Variants in SLC30A5 observed in about 807,000 individuals in gnomAD.
SLC30A5 encodes solute carrier family 30 member 5.
Under a neutral mutation model 79.6 loss-of-function variants are expected in SLC30A5, and 33 were observed. That is an observed-to-expected ratio of 0.41 (90% CI 0.31 to 0.55). SLC30A5 has a LOEUF of 0.55. Ranked by LOEUF, SLC30A5 falls within the 20% of genes least tolerant of loss-of-function variation. The pLI, the probability that SLC30A5 is intolerant of heterozygous loss-of-function variation, is 0.20. For missense variants in SLC30A5, 788 were observed against 928.1 expected, an observed-to-expected ratio of 0.85 and a Z score of 1.96; for synonymous variants, 299 against 319.7, an observed-to-expected ratio of 0.94 and a Z score of 0.69.
chr5:69,129,220 A>C (rs537688182), intron 15 of SLC30A5, among the ~76,000 whole-genome samples: 1 of 152,314 alleles, frequency 6.6e-6, no homozygotes, highest in South Asian at 2.1e-4. Flanking sequence ...CATTACGCTT[A>C]CCAGTTGAGC....
At chr5:69,117,466 A>AC in intron 11 of SLC30A5, 70 bp downstream of exon 11, 1 of 1,237,950 alleles carries the variant, frequency 8.1e-7, no homozygotes, top group Non-Finnish European at 1.1e-6. Context: ...GAATTATATT[A>AC]CTTATATTAC....
chr5:69,110,097 AACGAGCT>A (rs1455037587), intron 5 of SLC30A5, among the ~76,000 whole-genome samples: 1 of 152,176 alleles, frequency 6.6e-6, no homozygotes, highest in African/African-American at 2.4e-5. Context: ...AACATGAGTA[AACGAGCT>A]ATTTAGATAA....
intron 1 of SLC30A5, among the ~76,000 whole-genome samples, chr5:69,096,081 A>T (rs1414242045): frequency 6.6e-6 from 1 of 152,076 alleles, no homozygotes. Context: ...AAAAAAGCAT[A>T]TCACTTAAAT....
At chr5:69,099,020 C>G (rs1332960487) in intron 1 of SLC30A5, among the ~76,000 whole-genome samples, 1 of 152,154 alleles carries the variant, frequency 6.6e-6, no homozygotes, top group Non-Finnish European at 1.5e-5. Context: ...AAAACTCTTG[C>G]AACCTGGAAT....
Position 69,100,916 on chromosome 5 carries a change from A to G in SLC30A5, c.193A>G (p.Ile65Val), listed in dbSNP as rs753052468. 46 of 1,523,162 alleles carry G rather than the reference A, an allele frequency of 3.0e-5. No individual in the cohort carries two copies. The South Asian group carries it at 4.3e-4, about 14-fold the overall frequency. 94.4% of individuals were successfully genotyped at this position (1,523,162 alleles called of 1,614,324 possible). Residue 65 changes from isoleucine (I) to valine (V), a missense_variant, in exon 2 of 16, where the codon ATA (isoleucine) becomes GTA (valine). Physicochemically the swap from Ile to Val is conservative, Grantham distance 29 (BLOSUM62 3). Transcript: ENST00000396591. The stretch of plus-strand genomic sequence containing the variant: ...TGTTCACATTGTTCAGTTCATTTTT[A>G]TATTAAAACTTGGGTGAGTGTGGGG... Reference protein sequence around the residue: ...KAVHIVQFIFILKLGTAFFMV... With the variant: ...KAVHIVQFIFVLKLGTAFFMV...
At position 69,094,100 on chromosome 5, in the gene SLC30A5, AGCCGGC is replaced by A. The variant is rs547326340; in HGVS notation, c.-154_-149del. Reference sequence around the variant, plus strand: ...CGACGCGTGTGTGCTAGTGAGCCGGAGCCGGCGACGGCGGCAGTGGCGGCCCGGCCT... The same window carrying A: ...CGACGCGTGTGTGCTAGTGAGCCGGAGACGGCGGCAGTGGCGGCCCGGCCT... On this transcript the variant is annotated 5_prime_UTR_variant, in exon 1 of 16. Coordinates refer to ENST00000396591, the MANE Select transcript of SLC30A5 (RefSeq NM_022902.5). 3,750 of 413,804 alleles carry A rather than the reference AGCCGGC, an allele frequency of 9.1e-3. 21 individuals are homozygous for A. The highest frequency in any genetic ancestry group is 0.011 in the Non-Finnish European group (2,470 of 233,298). 25.6% of individuals were successfully genotyped at this position (413,804 alleles called of 1,614,324 possible). A position where few individuals can be genotyped will look rare whatever the true frequency, so the allele number is the denominator to read the frequency against.
intron 4 of SLC30A5, among the ~76,000 whole-genome samples, chr5:69,105,905 A>G (rs1406294470): frequency 1.3e-5 from 2 of 152,194 alleles, no homozygotes; most frequent in Non-Finnish European, 2.9e-5. Context: ...TGAGAATCTA[A>G]TGTCTGATGA....
chr5:69,121,633 T>C (rs1284978456), intron 12 of SLC30A5, 61 bp from the exon 13 acceptor site: 5 of 1,212,888 alleles, frequency 4.1e-6, no homozygotes, highest in Non-Finnish European at 4.6e-6. Flanking sequence ...ATAATAACTT[T>C]TAAATAACAA....
chr5:69,122,781 T>C (rs969736383), intron 13 of SLC30A5, among the ~76,000 whole-genome samples: 5 of 152,244 alleles, frequency 3.3e-5, no homozygotes, highest in African/African-American at 1.2e-4. Flanking sequence ...TGTGCTATTA[T>C]GAACCTTCAT....
chr5:69,111,375 GC>G (rs1196092031), intron 5 of SLC30A5, among the ~76,000 whole-genome samples: 39 of 147,580 alleles, frequency 2.6e-4, no homozygotes, highest in Non-Finnish European at 2.1e-4. Context: ...CACAATCTCA[GC>G]TCACTGCAAC....
chr5:69,118,313 ATATATATATATG>A (rs1746437595), intron 11 of SLC30A5, 174 bp from the exon 12 acceptor site: 1 of 118,846 alleles, frequency 8.4e-6, no homozygotes, highest in Non-Finnish European at 1.7e-5. Flanking sequence ...ATATATGTGT[ATATATATATATG>A]TATATATATA....
intron 5 of SLC30A5, among the ~76,000 whole-genome samples, chr5:69,110,346 A>G (rs772415845): frequency 5.3e-5 from 8 of 152,326 alleles, no homozygotes; most frequent in Admixed American, 1.3e-4. Flanking sequence ...CAAATAAGGT[A>G]TAATAGTCCC....
At chr5:69,124,543 C>CA (rs1029232358) in intron 14 of SLC30A5, among the ~76,000 whole-genome samples, 1 of 151,998 alleles carries the variant, frequency 6.6e-6, no homozygotes, top group African/African-American at 2.4e-5. Flanking sequence ...ATGTAAATGA[C>CA]AAAAAAATTA....
intron 11 of SLC30A5, among the ~76,000 whole-genome samples, chr5:69,118,123 G>A (rs1746425356): frequency 6.9e-6 from 1 of 145,256 alleles, no homozygotes; most frequent in Non-Finnish European, 1.5e-5. Context: ...CTTTCAGTGA[G>A]CCAAGATCGT....
At chr5:69,097,965 C>T (rs896370874) in intron 1 of SLC30A5, among the ~76,000 whole-genome samples, 1 of 152,104 alleles carries the variant, frequency 6.6e-6, no homozygotes, top group Admixed American at 6.5e-5. Context: ...ACAATGGCGT[C>T]GATTTATCAG....
At chr5:69,101,084 T>G (rs1745903528) in intron 2 of SLC30A5, among the ~76,000 whole-genome samples, 155 bp downstream of exon 2, 1 of 152,152 alleles carries the variant, frequency 6.6e-6, no homozygotes, top group South Asian at 2.1e-4. Context: ...TACTTAAGAT[T>G]AGAGGTACAA....
At chr5:69,101,728 A>T (rs1277488170) in intron 2 of SLC30A5, among the ~76,000 whole-genome samples, 1 of 150,850 alleles carries the variant, frequency 6.6e-6, no homozygotes, top group Non-Finnish European at 1.5e-5. Context: ...AGGCGGAGGC[A>T]GGTGGATCGC....
At chr5:69,094,892 A>C (rs1371021553) in intron 1 of SLC30A5, among the ~76,000 whole-genome samples, 1 of 152,104 alleles carries the variant, frequency 6.6e-6, no homozygotes, top group Non-Finnish European at 1.5e-5. Context: ...AAAAAATCTA[A>C]ACAGCAAAGC....
In SLC30A5 at chr5:69,104,721, A is replaced by G. The variant is rs1389957227; in HGVS notation, c.359+5A>G. 6.2e-7 allele frequency: 1 copy of G among 1,600,576 alleles called. No homozygotes were observed. Among genetic ancestry groups the G allele is most frequent in the Admixed American group, 1.8e-5 (1 of 56,444 alleles). Reference sequence around the variant, plus strand: ...CACTCTTTGTGGACCACTAAGGTAAATAAAAATGCATATTTTGAATGTGTG... The same window carrying G: ...CACTCTTTGTGGACCACTAAGGTAAGTAAAAATGCATATTTTGAATGTGTG... On this transcript the variant is annotated splice_donor_5th_base_variant and intron_variant, in intron 4 of 15. Transcript: ENST00000396591.
Sources: allele counts gnomAD v4.1 joint callset (sites outside exome capture counted in the v4.1 genomes callset), GRCh38; gene constraint gnomAD v4.1.1; transcripts MANE v1.5; gene names NCBI Gene and HGNC (gene_info 2026-07-23, HGNC 2026-07-21).